CACNB4: variants seen among roughly 807,000 people sequenced by gnomAD.
The protein encoded by CACNB4 is calcium voltage-gated channel auxiliary subunit beta 4.
A neutral mutation model predicts 71.2 loss-of-function variants in CACNB4; 32 were observed. The observed-to-expected ratio is 0.45, with a 90% CI of 0.34 to 0.60. CACNB4 has a LOEUF of 0.60. CACNB4 is among the 20% of genes least tolerant of loss of function. CACNB4 has a pLI of 0.01. For missense variants in CACNB4, 464 were observed against 647.9 expected (o/e 0.72, Z 3.08); for synonymous variants, 231 against 236.9 (o/e 0.97, Z 0.23).
intron 2 of CACNB4, among the ~76,000 whole-genome samples, chr2:151,957,270 G>GTGTGTGTGTA (rs2099868533): frequency 6.6e-6 from 1 of 150,520 alleles, no homozygotes. Context: ...GTGTGTGTGT[G>GTGTGTGTGTA]TGTGTGTGTG....
At chr2:151,884,522 C>A (rs1269381433) in intron 2 of CACNB4, among the ~76,000 whole-genome samples, 2 of 149,316 alleles carry the variant, frequency 1.3e-5, no homozygotes, top group East Asian at 3.9e-4. Context: ...TAGTCCCCAG[C>A]TACTCAGGAG....
At chr2:152,074,817 T>C (rs370068384) in intron 2 of CACNB4, among the ~76,000 whole-genome samples, 10 of 152,012 alleles carry the variant, frequency 6.6e-5, no homozygotes, top group African/African-American at 9.6e-5. Context: ...GTCACCACTA[T>C]TGCCCCATCT....
intron 2 of CACNB4, among the ~76,000 whole-genome samples, chr2:152,028,587 G>C (rs887676907): frequency 6.6e-6 from 1 of 152,118 alleles, no homozygotes; most frequent in African/African-American, 2.4e-5. Flanking sequence ...TTGTCTTTCT[G>C]CGAAAGAAGA....
rs967051998 is a variant in CACNB4, at chr2:151,836,808, A to G, written c.*2311T>C. On this transcript the variant is annotated 3_prime_UTR_variant, in exon 14 of 14. Transcript: ENST00000539935. ...CTAGGAAATATATTTAAATGCTGTT[A>G]CAGCTACCTGCCATAAAATGTAAGT... is the stretch of plus-strand genomic sequence containing the variant. 2.0e-5 allele frequency: 3 copies of G among 152,116 alleles called. No individual in the cohort carries two copies. Among genetic ancestry groups the G allele is most frequent in the Non-Finnish European group, 4.4e-5 (3 of 67,822 alleles). The allele number at this position is 152,116 out of a possible 1,614,324, so 9.4% of individuals were successfully genotyped here.
chr2:152,093,004 A>G (rs1256806453), intron 2 of CACNB4, among the ~76,000 whole-genome samples: 5 of 152,192 alleles, frequency 3.3e-5, no homozygotes, highest in African/African-American at 1.2e-4. Context: ...TTCTCAAAAT[A>G]GCTACTGTAC....
At chr2:151,992,157 C>T (rs1033155642) in intron 2 of CACNB4, among the ~76,000 whole-genome samples, 1 of 152,108 alleles carries the variant, frequency 6.6e-6, no homozygotes, top group East Asian at 1.9e-4. Context: ...AAGGGAGAAC[C>T]GTGAGGCAGA....
intron 2 of CACNB4, among the ~76,000 whole-genome samples, chr2:152,057,163 T>C (rs936123471): frequency 4.6e-5 from 7 of 152,118 alleles, no homozygotes; most frequent in Admixed American, 3.9e-4. Flanking sequence ...CTTAGGGTGG[T>C]CTCCTGTCAA....
chr2:152,009,095 G>A (rs751898715), intron 2 of CACNB4, among the ~76,000 whole-genome samples: 8 of 152,070 alleles, frequency 5.3e-5, no homozygotes, highest in Non-Finnish European at 1.2e-4. Flanking sequence ...GGAGGCTGAG[G>A]TGGGAGGATC....
At chr2:151,979,264 G>C (rs1411967461) in intron 2 of CACNB4, among the ~76,000 whole-genome samples, 1 of 152,138 alleles carries the variant, frequency 6.6e-6, no homozygotes, top group Non-Finnish European at 1.5e-5. Context: ...CAGAGGAAAA[G>C]TGAATATATG....
intron 2 of CACNB4, among the ~76,000 whole-genome samples, chr2:151,889,909 C>T (rs999943505): frequency 4.6e-5 from 7 of 152,174 alleles, no homozygotes; most frequent in African/African-American, 1.7e-4. Flanking sequence ...ATCAGAATCT[C>T]TCTCTTCTTT....
chr2:151,857,983 G>T (rs2099840713), intron 10 of CACNB4: 1 of 152,198 alleles, frequency 6.6e-6, no homozygotes, highest in South Asian at 2.1e-4. Context: ...TTAAATACTG[G>T]GGTGAGCCCA....
At chr2:151,985,248 A>G (rs757561189) in intron 2 of CACNB4, among the ~76,000 whole-genome samples, 1 of 152,136 alleles carries the variant, frequency 6.6e-6, no homozygotes, top group Non-Finnish European at 1.5e-5. Flanking sequence ...AGAATATGCT[A>G]TATGTAAACT....
At chr2:151,995,022 A>G (rs1681960682) in intron 2 of CACNB4, among the ~76,000 whole-genome samples, 1 of 152,228 alleles carries the variant, frequency 6.6e-6, no homozygotes, top group Non-Finnish European at 1.5e-5. Context: ...CTGATCAAAC[A>G]AGGAATTAAA....
At chr2:152,086,978 C>T (rs914325875) in intron 2 of CACNB4, among the ~76,000 whole-genome samples, 2 of 151,990 alleles carry the variant, frequency 1.3e-5, no homozygotes, top group Non-Finnish European at 1.5e-5. Context: ...CTAAAAAATA[C>T]AAAATTAGCC....
chr2:152,014,362 A>C (rs953072720), intron 2 of CACNB4, among the ~76,000 whole-genome samples: 1 of 142,940 alleles, frequency 7.0e-6, no homozygotes, highest in African/African-American at 2.5e-5. Context: ...CAAAAACAAA[A>C]GAGTCATTCT....
intron 2 of CACNB4, among the ~76,000 whole-genome samples, chr2:151,894,318 C>T (rs939597166): frequency 6.6e-6 from 1 of 152,146 alleles, no homozygotes; most frequent in East Asian, 1.9e-4. Context: ...ATTGCATCAA[C>T]AGACTGAAAG....
chr2:152,017,618 G>A (rs758633510), intron 2 of CACNB4, among the ~76,000 whole-genome samples: 9 of 151,662 alleles, frequency 5.9e-5, no homozygotes, highest in Non-Finnish European at 1.2e-4. Flanking sequence ...TGAGGCAGGT[G>A]AATCACTTGA....
At chr2:152,006,657 A>G (rs530190184) in intron 2 of CACNB4, among the ~76,000 whole-genome samples, 11 of 152,118 alleles carry the variant, frequency 7.2e-5, no homozygotes, top group African/African-American at 2.6e-4. Context: ...TGGCCTCCCA[A>G]AGTGCTGGGA....
intron 13 of CACNB4, among the ~76,000 whole-genome samples, chr2:151,840,482 T>G (rs1385594571): frequency 1.3e-5 from 2 of 152,238 alleles, no homozygotes; most frequent in Admixed American, 1.3e-4. Context: ...TATTGCTTCA[T>G]GCATCTATTT....
Sources: gnomAD v4.1 joint callset for allele counts (sites outside exome capture counted in the v4.1 genomes callset) on GRCh38, gnomAD v4.1.1 for gene constraint, MANE v1.5 for transcripts, NCBI Gene and HGNC (gene_info 2026-07-23, HGNC 2026-07-21) for gene names.